The following GUCD1 variants were observed in gnomAD, a reference collection of about 807,000 sequenced individuals.
GUCD1 encodes the protein protein GUCD1.
Under a neutral mutation model 28.3 loss-of-function variants are expected in GUCD1, and 17 were observed. The observed-to-expected ratio is 0.60, with a 90% CI of 0.41 to 0.90. The LOEUF (loss-of-function observed/expected upper bound fraction) is 0.90. GUCD1 is among the 40% of genes least tolerant of loss of function. GUCD1 has a pLI of 0.00. For missense variants in GUCD1, 279 were observed against 305.5 expected (o/e 0.91, Z 0.65); for synonymous variants, 129 against 123.3 (o/e 1.05, Z -0.30).
intron 4 of GUCD1, 148 bp from the exon 5 acceptor site, chr22:24,544,231 G>A: frequency 8.7e-7 from 1 of 1,145,446 alleles, no homozygotes. Flanking sequence ...CTGTCACTGT[G>A]GCCCAGGCTC....
Position 24,547,995 on chromosome 22 carries a change from G to A in GUCD1, c.207C>T (p.Ile69=), listed in dbSNP as rs1413252260. 10 of 1,614,026 alleles carry A rather than the reference G, an allele frequency of 6.2e-6. No homozygotes were observed. In the East Asian group the frequency reaches 1.1e-4, roughly 18 times the overall value. ...AGTGGTGCATCAGGTAGGCCAGGTC[G>A]ATGGTCCAGATGCTCCTGGTCAGCT... ...KLQLTRSIWT[I]DLAYLMHHFG... Residue 69 remains isoleucine, a synonymous_variant, in exon 3 of 6, where the codon ATC becomes ATT. Coordinates refer to ENST00000435822, the MANE Select transcript of GUCD1 (RefSeq NM_001284254.2).
chr22:24,546,253 G>A (rs1354321642), intron 4 of GUCD1, among the ~76,000 whole-genome samples: 2 of 152,212 alleles, frequency 1.3e-5, no homozygotes, highest in African/African-American at 2.4e-5. Flanking sequence ...GAGCCACCGC[G>A]CCCGGCCCCC....
At chr22:24,555,828 G>A, upstream of GUCD1, 2 of 1,545,022 alleles carry the variant, frequency 1.3e-6, no homozygotes, top group Non-Finnish European at 8.7e-7. Context: ...CCAGTCATCA[G>A]CCCTCTTTTC....
rs2044743228 is a variant in GUCD1, at chr22:24,546,933, T to G, written c.367A>C (p.Lys123Gln). 1.1e-5 allele frequency: 18 copies of G among 1,613,886 alleles called. No homozygotes were observed. Among genetic ancestry groups the G allele is most frequent in the Non-Finnish European group, 1.5e-5 (18 of 1,179,990 alleles). Residue 123 changes from lysine (K) to glutamine (Q), a missense_variant, in exon 4 of 6, where the codon AAG becomes CAG. By Grantham distance (53) the Lys-to-Gln change is moderately conservative. Coordinates refer to ENST00000435822, the MANE Select transcript of GUCD1 (RefSeq NM_001284254.2). Reference protein sequence around the residue: ...NQLFAQAKACKVLVEKCTVSV... With the variant: ...NQLFAQAKACQVLVEKCTVSV... The stretch of plus-strand genomic sequence containing the variant: ...GCTCACCATTTCTCCACCAGCACCT[T>G]GCAGGCCTTTGCTTGTGCAAACAGC...
At chr22:24,546,799 TG>T (rs1343235632) in intron 4 of GUCD1, 114 bp downstream of exon 4, 10 of 925,460 alleles carry the variant, frequency 1.1e-5, no homozygotes, top group Non-Finnish European at 1.7e-5. Context: ...TAGCCAGTTC[TG>T]CCTGGCTCCA....
At chr22:24,555,343 C>T, upstream of GUCD1, 3 of 1,368,136 alleles carry the variant, frequency 2.2e-6, no homozygotes, top group Non-Finnish European at 2.9e-6. Context: ...AGGACGCGGG[C>T]CCCGGAAGCC....
chr22:24,552,351 G>A (rs960750407), intron 1 of GUCD1, among the ~76,000 whole-genome samples: 2 of 152,188 alleles, frequency 1.3e-5, no homozygotes, highest in Admixed American at 6.5e-5. Context: ...CCCAGTCCCA[G>A]GTATTTTGTT....
chr22:24,554,979 C>CCTCCGT lies in GUCD1; in HGVS notation c.7_12dup (p.Thr3_Glu4dup). The CCTCCGT allele has an allele frequency of 1.3e-6, 2 of 1,556,646 alleles. No individual in the cohort carries two copies. Among genetic ancestry groups the CCTCCGT allele is most frequent in the Non-Finnish European group, 1.7e-6 (2 of 1,155,588 alleles). On this transcript the variant is annotated inframe_insertion, in exon 1 of 6. Transcript: ENST00000435822. ...TCGAGCGGCGGCCCCGCTGCCTCCGCCTCCGTCCTCATGACCCGGGCGGCG... is the reference window on the plus strand; with the variant it reads ...TCGAGCGGCGGCCCCGCTGCCTCCGCCTCCGTCTCCGTCCTCATGACCCGGGCGGCG...
upstream of GUCD1, chr22:24,555,496 A>G (rs1230795010): frequency 3.2e-6 from 4 of 1,257,232 alleles, no homozygotes; most frequent in Non-Finnish European, 4.4e-6. Context: ...TGCATCCCCG[A>G]GGCCCCAAGC....
At chr22:24,546,138 T>G (rs2147078441) in intron 4 of GUCD1, among the ~76,000 whole-genome samples, 1 of 151,652 alleles carries the variant, frequency 6.6e-6, no homozygotes, top group Middle Eastern at 3.4e-3. Context: ...ATTTTTTGTA[T>G]TTTTAGTAGA....
intron 4 of GUCD1, among the ~76,000 whole-genome samples, chr22:24,546,692 C>A (rs2044736263): frequency 6.6e-6 from 1 of 152,232 alleles, no homozygotes; most frequent in Non-Finnish European, 1.5e-5. Flanking sequence ...AGCACCTGCT[C>A]AGGATCCACC....
At chr22:24,547,241 G>A (rs1356456411) in intron 3 of GUCD1, 8 of 501,184 alleles carry the variant, frequency 1.6e-5, no homozygotes, top group African/African-American at 5.8e-5. Flanking sequence ...AGAGGGGTGG[G>A]CAGCTGGGCT....
At chr22:24,545,081 C>A (rs2044692509) in intron 4 of GUCD1, among the ~76,000 whole-genome samples, 1 of 151,594 alleles carries the variant, frequency 6.6e-6, no homozygotes, top group South Asian at 2.1e-4. Context: ...GCAGATGGGG[C>A]TGTGGGCAGG....
intron 1 of GUCD1, 140 bp downstream of exon 1, chr22:24,554,809 A>C (rs1601556915): frequency 1.6e-6 from 1 of 623,744 alleles, no homozygotes; most frequent in Non-Finnish European, 2.8e-6. Context: ...GTGTCAGGAA[A>C]CCCCCACTGA....
chr22:24,545,690 G>A (rs1314488268), intron 4 of GUCD1, among the ~76,000 whole-genome samples: 2 of 151,180 alleles, frequency 1.3e-5, no homozygotes, highest in Non-Finnish European at 2.9e-5. Context: ...TGCAAGCTCC[G>A]CCTCCTGGGT....
At chr22:24,547,606 G>T (rs1420760722) in intron 3 of GUCD1, 1 of 355,974 alleles carries the variant, frequency 2.8e-6, no homozygotes, top group Non-Finnish European at 5.3e-6. Flanking sequence ...TTGTGCTGAG[G>T]ACAGTAGGAA....
At chr22:24,555,641 A>G (rs181923376), upstream of GUCD1, 130 of 1,550,606 alleles carry the variant, frequency 8.4e-5, no homozygotes, top group African/African-American at 1.7e-3. Flanking sequence ...CAACAAATGA[A>G]ATTGTGACGG....
intron 1 of GUCD1, 86 bp downstream of exon 1, chr22:24,554,863 G>A: frequency 9.1e-7 from 1 of 1,103,194 alleles, no homozygotes. Context: ...GTCGGCCCAA[G>A]GTCGCGCGAC....
rs561942052 is a variant in GUCD1, at chr22:24,542,296, C to T, written c.*710G>A. ...GCACTGCTGCCAGCCACGAGGCCTA[C>T]CAGTGGGATCTAGGCCCGAGAGCCC... On this transcript the variant is annotated 3_prime_UTR_variant, in exon 6 of 6. Coordinates refer to ENST00000435822, the MANE Select transcript of GUCD1 (RefSeq NM_001284254.2). 2 of 152,432 alleles carry T rather than the reference C, an allele frequency of 1.3e-5. No individual in the cohort carries two copies. The highest frequency in any genetic ancestry group is 1.3e-4 in the Admixed American group (2 of 15,314). 9.4% of individuals were successfully genotyped at this position (152,432 alleles called of 1,614,324 possible).
Sources: allele counts gnomAD v4.1 joint callset (sites outside exome capture counted in the v4.1 genomes callset), GRCh38; gene constraint gnomAD v4.1.1; transcripts MANE v1.5; gene names NCBI Gene and HGNC (gene_info 2026-07-23, HGNC 2026-07-21).